PTBP2: variants seen among roughly 807,000 people sequenced by gnomAD.
PTBP2 encodes the protein polypyrimidine tract-binding protein 2.
Under a neutral mutation model 61.4 loss-of-function variants are expected in PTBP2, and 13 were observed. The ratio of observed to expected loss-of-function variants is 0.21; its 90% CI spans 0.14 to 0.34. The LOEUF is 0.34. Among genes scored for constraint, PTBP2 ranks in the 10% least tolerant of loss-of-function variants. The pLI is 1.00. For synonymous variants in PTBP2, 215 were observed against 218.5 expected (o/e 0.98, Z 0.14); for missense variants, 405 against 642.6 (o/e 0.63, Z 4.00).
chr1:96,758,886 T>A (rs1425011224), intron 3 of PTBP2, among the ~76,000 whole-genome samples: 1 of 152,172 alleles, frequency 6.6e-6, no homozygotes, highest in African/African-American at 2.4e-5. Context: ...TTCAACATGC[T>A]TTTTAAAGTA....
chr1:96,747,207 T>A (rs273880), intron 2 of PTBP2, among the ~76,000 whole-genome samples: 44,293 of 151,752 alleles, frequency 0.29, 7,185 homozygotes, highest in East Asian at 0.44. Flanking sequence ...TATGATCCCA[T>A]TCTTTACACA....
chr1:96,776,550 C>G (rs1213702940), intron 5 of PTBP2, among the ~76,000 whole-genome samples: 2 of 151,748 alleles, frequency 1.3e-5, no homozygotes, highest in African/African-American at 4.8e-5. Flanking sequence ...CCTGAGTGTC[C>G]TAATTCTTTT....
At chr1:96,802,226 A>AAAAAAAAAG (rs1661086909) in intron 8 of PTBP2, among the ~76,000 whole-genome samples, 1 of 150,766 alleles carries the variant, frequency 6.6e-6, no homozygotes, top group Non-Finnish European at 1.5e-5. Context: ...AAAAAAAAAA[A>AAAAAAAAAG]AAAAAAAGAA....
chr1:96,725,626 TTAATA>T (rs1186702014), intron 2 of PTBP2, among the ~76,000 whole-genome samples: 3 of 152,220 alleles, frequency 2.0e-5, no homozygotes, highest in East Asian at 3.9e-4. Flanking sequence ...AATCCATTGT[TTAATA>T]TAAAAGTCTG....
intron 4 of PTBP2, among the ~76,000 whole-genome samples, chr1:96,770,294 T>A (rs1471858784): frequency 6.6e-6 from 1 of 152,098 alleles, no homozygotes; most frequent in Non-Finnish European, 1.5e-5. Flanking sequence ...CTCCCTTTTA[T>A]ATACTTGAGG....
chr1:96,770,895 T>G, intron 5 of PTBP2, 44 bp downstream of exon 5: 2 of 1,466,532 alleles, frequency 1.4e-6, no homozygotes, highest in Non-Finnish European at 1.9e-6. Context: ...TAGAACATAT[T>G]ATGAATCTCA....
chr1:96,821,181 AGTG>A (rs1305468150), exon 14 of PTBP2: 5 of 152,188 alleles, frequency 3.3e-5, no homozygotes, highest in Non-Finnish European at 7.3e-5. Flanking sequence ...GGGAATATCT[AGTG>A]GTACAAAAAT....
In PTBP2 at chr1:96,773,147, GAGT is replaced by G; in HGVS notation, c.432+2298_432+2300del. Among the ~76,000 whole-genome samples, 2 of 102,126 alleles carry G rather than the reference GAGT, an allele frequency of 2.0e-5. 1 individual carries two copies. The allele number at this position is 102,126 out of a possible 152,430, so 67.0% of individuals were successfully genotyped here. ...TCAAAAAAAAAAAAAAAAAAAAAAA[GAGT>G]AAAGCTGAGGCCTACACATGGATGG... On this transcript the variant is annotated intron_variant, in intron 5 of 13. Coordinates refer to ENST00000674951, the MANE Select transcript of PTBP2 (RefSeq NM_021190.4).
chr1:96,801,116 A>G (rs930433022), intron 8 of PTBP2, among the ~76,000 whole-genome samples: 1 of 152,116 alleles, frequency 6.6e-6, no homozygotes, highest in Non-Finnish European at 1.5e-5. Context: ...GTATGTTTAG[A>G]TCAATACTGT....
At chr1:96,797,784 G>A (rs1481441059) in intron 8 of PTBP2, among the ~76,000 whole-genome samples, 3 of 152,270 alleles carry the variant, frequency 2.0e-5, no homozygotes, top group South Asian at 2.1e-4. Context: ...TTGTTATAGT[G>A]TATTGTTTAG....
chr1:96,773,123 C>CA (rs563241972), intron 5 of PTBP2, among the ~76,000 whole-genome samples: 12,927 of 87,688 alleles, frequency 0.15, 1,053 homozygotes, highest in Non-Finnish European at 0.19. Context: ...GACTCTATCT[C>CA]AAAAAAAAAA....
At chr1:96,798,121 C>CATGCCTGTAATCCCAG in intron 8 of PTBP2, among the ~76,000 whole-genome samples, 1 of 150,748 alleles carries the variant, frequency 6.6e-6, no homozygotes, top group African/African-American at 2.4e-5. Context: ...GGCGTGGTGT[C>CATGCCTGTAATCCCAG]TCATGCCTAT....
At chr1:96,751,157 C>T (rs1051710743) in intron 2 of PTBP2, 1 of 451,866 alleles carries the variant, frequency 2.2e-6, no homozygotes, top group South Asian at 2.1e-5. Context: ...GATAGCTTTC[C>T]AAAGCTTTTG....
downstream of PTBP2, chr1:96,818,884 AC>A (rs1461939342): frequency 6.6e-6 from 1 of 152,074 alleles, no homozygotes; most frequent in Non-Finnish European, 1.5e-5. Flanking sequence ...ATTGTAACTT[AC>A]CTGTAGTTAG....
At chr1:96,801,650 T>G (rs972139655) in intron 8 of PTBP2, among the ~76,000 whole-genome samples, 1 of 143,376 alleles carries the variant, frequency 7.0e-6, no homozygotes, top group Non-Finnish European at 1.5e-5. Context: ...AGGTCAGGAG[T>G]TCAAGACCAA....
chr1:96,753,348 A>G (rs973278948), intron 3 of PTBP2, among the ~76,000 whole-genome samples: 2 of 152,122 alleles, frequency 1.3e-5, no homozygotes, highest in African/African-American at 4.8e-5. Flanking sequence ...ATCACACCCT[A>G]TAGGAAGTGC....
intron 8 of PTBP2, among the ~76,000 whole-genome samples, chr1:96,786,149 A>G (rs1330884023): frequency 6.6e-6 from 1 of 152,164 alleles, no homozygotes; most frequent in Non-Finnish European, 1.5e-5. Flanking sequence ...AAAAAATAGT[A>G]TAATTAAGTA....
intron 2 of PTBP2, among the ~76,000 whole-genome samples, chr1:96,729,683 T>C (rs1651113101): frequency 1.3e-5 from 2 of 152,120 alleles, no homozygotes; most frequent in Non-Finnish European, 2.9e-5. Flanking sequence ...CTAGTCCATT[T>C]CCTTTAAGTT....
intron 8 of PTBP2, among the ~76,000 whole-genome samples, chr1:96,796,256 C>T (rs1405038606): frequency 6.8e-6 from 1 of 146,704 alleles, no homozygotes; most frequent in Non-Finnish European, 1.5e-5. Flanking sequence ...ATTTTGAGAC[C>T]AGCCTGGGCA....
Sources: gnomAD v4.1 joint callset for allele counts (sites outside exome capture counted in the v4.1 genomes callset) on GRCh38, gnomAD v4.1.1 for gene constraint, MANE v1.5 for transcripts, NCBI Gene and HGNC (gene_info 2026-07-23, HGNC 2026-07-21) for gene names.